The following JMY variants were observed in gnomAD, a reference collection of about 807,000 sequenced individuals.
JMY encodes the protein junction-mediating and -regulatory protein.
JMY carries 46 observed loss-of-function variants against 103.3 expected under a neutral mutation model. The ratio of observed to expected loss-of-function variants is 0.45; its 90% CI spans 0.35 to 0.57. JMY has a LOEUF of 0.57. Among genes scored for constraint, JMY ranks in the 20% least tolerant of loss-of-function variants. JMY has a pLI of 0.00. For synonymous variants in JMY, 526 were observed against 489.3 expected, an observed-to-expected ratio of 1.07 and a Z score of -0.99; for missense variants, 1,238 against 1,255.2, an observed-to-expected ratio of 0.99 and a Z score of 0.21.
intron 9 of JMY, among the ~76,000 whole-genome samples, chr5:79,315,653 ACT>A: frequency 6.6e-6 from 1 of 152,248 alleles, no homozygotes; most frequent in East Asian, 1.9e-4. Context: ...TAACCCCATC[ACT>A]CTGAATTTGG....
chr5:79,303,712 G>A, intron 6 of JMY, among the ~76,000 whole-genome samples: 1 of 152,292 alleles, frequency 6.6e-6, no homozygotes, highest in South Asian at 2.1e-4. Context: ...TGAAGATGAT[G>A]ATTCCACACA....
In JMY at chr5:79,244,027, G is replaced by A. The variant is rs187999131; in HGVS notation, c.1032+6345G>A. Among the ~76,000 whole-genome samples the A allele has an allele frequency of 4.3e-3, 644 of 148,898 alleles. 5 individuals are homozygous for A. Among genetic ancestry groups the A allele is most frequent in the African/African-American group, 0.013 (541 of 40,258 alleles). ...TTTCCTTTTTTTTTTTTTTGAGACA[G>A]GCTTGCTCTGTCACCCAGGCTGGAG... On this transcript the variant is annotated intron_variant, in intron 1 of 10. Transcript: ENST00000396137.
intron 1 of JMY, among the ~76,000 whole-genome samples, chr5:79,263,299 G>A (rs1201177670): frequency 6.6e-6 from 1 of 152,210 alleles, no homozygotes; most frequent in African/African-American, 2.4e-5. Flanking sequence ...AAATATATTT[G>A]AAGAGTTTAC....
chr5:79,270,469 G>A (rs185759762), intron 1 of JMY, among the ~76,000 whole-genome samples: 1,729 of 55,566 alleles, frequency 0.031, 144 homozygotes, highest in East Asian at 0.052. Flanking sequence ...TATTTAAAAT[G>A]TATATTTACA....
rs1477981069 is a variant in JMY, at chr5:79,322,677, A to C, written c.*1075A>C. 6.6e-6 allele frequency: 1 copy of C among 152,230 alleles called. No individual in the cohort carries two copies. The highest frequency in any genetic ancestry group is 1.5e-5 in the Non-Finnish European group (1 of 68,032). 9.4% of individuals were successfully genotyped at this position (152,230 alleles called of 1,614,324 possible). A position where few individuals can be genotyped will look rare whatever the true frequency, so the allele number is the denominator to read the frequency against. On this transcript the variant is annotated 3_prime_UTR_variant, in exon 11 of 11. Coordinates refer to ENST00000396137, the MANE Select transcript of JMY (RefSeq NM_152405.5). ...ATAGTCACTAAAATTTTAAACTTAT[A>C]CACAGCTTTAGGTGCTGATTTTGGC...
chr5:79,254,900 G>C (rs75075413), intron 1 of JMY, among the ~76,000 whole-genome samples: 3,116 of 149,564 alleles, frequency 0.021, 131 homozygotes, highest in African/African-American at 0.072. Flanking sequence ...TCTTTCTTCT[G>C]CTTGATCAGT....
At chr5:79,292,495 T>A (rs1368662478) in intron 4 of JMY, among the ~76,000 whole-genome samples, 2 of 152,100 alleles carry the variant, frequency 1.3e-5, no homozygotes, top group African/African-American at 2.4e-5. Flanking sequence ...TATTTACTTA[T>A]TTTTTTGTAG....
At chr5:79,241,465 C>T (rs939264516) in intron 1 of JMY, among the ~76,000 whole-genome samples, 27 of 152,014 alleles carry the variant, frequency 1.8e-4, no homozygotes, top group Non-Finnish European at 4.4e-5. Context: ...GTTTTTAAAA[C>T]GAGAAATTTT....
intron 1 of JMY, among the ~76,000 whole-genome samples, chr5:79,248,371 A>G (rs960784408): frequency 3.3e-5 from 5 of 151,740 alleles, no homozygotes; most frequent in Admixed American, 6.6e-5. Flanking sequence ...CAGTGGCACG[A>G]TCTCGGCTCA....
intron 7 of JMY, 86 bp from the exon 8 acceptor site, chr5:79,312,317 A>G (rs1561314789): frequency 2.7e-6 from 2 of 741,670 alleles, no homozygotes. Flanking sequence ...CCTTTGGCCC[A>G]CATTAGGATA....
Position 79,284,080 on chromosome 5 carries a change from A to AT in JMY, c.1206+6005dup, listed in dbSNP as rs983218107. Reference sequence around the variant, plus strand: ...TTTTTTATTTTTTTATTTTATTTTTATTTTTTTTCACAAATAGCACTTTTT... The same window carrying AT: ...TTTTTTATTTTTTTATTTTATTTTTATTTTTTTTTCACAAATAGCACTTTTT... On this transcript the variant is annotated intron_variant, in intron 2 of 10. Transcript: ENST00000396137. 302 of 1,148,126 alleles carry AT rather than the reference A, an allele frequency of 2.6e-4. No homozygotes were observed. The African/African-American group carries it at 3.3e-3, about 13-fold the overall frequency. The allele number at this position is 1,148,126 out of a possible 1,614,324, so 71.1% of individuals were successfully genotyped here. A position where few individuals can be genotyped will look rare whatever the true frequency, so the allele number is the denominator to read the frequency against.
chr5:79,289,877 T>C (rs544171005), intron 2 of JMY, among the ~76,000 whole-genome samples: 1 of 152,062 alleles, frequency 6.6e-6, no homozygotes, highest in Non-Finnish European at 1.5e-5. Context: ...TCTTAACATA[T>C]TGGTATATAT....
chr5:79,288,946 G>C (rs887375878), intron 2 of JMY, among the ~76,000 whole-genome samples: 2 of 151,782 alleles, frequency 1.3e-5, no homozygotes, highest in Admixed American at 1.3e-4. Flanking sequence ...AGAGACTATG[G>C]GTTGTAGGCC....
At chr5:79,316,858 A>G (rs1480875068) in intron 10 of JMY, among the ~76,000 whole-genome samples, 3 of 143,600 alleles carry the variant, frequency 2.1e-5, no homozygotes, top group Non-Finnish European at 3.0e-5. Flanking sequence ...GTGAGCTGAG[A>G]TCGTGCCACT....
chr5:79,316,829 C>T (rs1260815629), intron 10 of JMY, among the ~76,000 whole-genome samples: 1 of 149,488 alleles, frequency 6.7e-6, no homozygotes, highest in Non-Finnish European at 1.5e-5. Flanking sequence ...TCACTTGAAC[C>T]CAGGAGGCGG....
At chr5:79,278,789 ATTTCT>A (rs1746022844) in intron 2 of JMY, among the ~76,000 whole-genome samples, 2 of 111,006 alleles carry the variant, frequency 1.8e-5, no homozygotes, top group Non-Finnish European at 1.9e-5. Context: ...TTTTGGGAAC[ATTTCT>A]TTTTTTTTTT....
At chr5:79,264,012 C>G (rs539271544) in intron 1 of JMY, among the ~76,000 whole-genome samples, 177 of 152,118 alleles carry the variant, frequency 1.2e-3, no homozygotes, top group African/African-American at 4.0e-3. Flanking sequence ...GTCTCAAACT[C>G]CTGACCTCTG....
At chr5:79,248,796 G>T (rs368666418) in intron 1 of JMY, among the ~76,000 whole-genome samples, 5 of 151,962 alleles carry the variant, frequency 3.3e-5, no homozygotes, top group African/African-American at 9.7e-5. Context: ...TTCTGTCAGC[G>T]CAGGCTGGAA....
intron 1 of JMY, among the ~76,000 whole-genome samples, chr5:79,242,027 T>C (rs745652056): frequency 2.0e-5 from 3 of 152,216 alleles, no homozygotes; most frequent in African/African-American, 4.8e-5. Flanking sequence ...TGATTAACTG[T>C]GGTGCTTTAG....
Sources: allele counts gnomAD v4.1 joint callset (sites outside exome capture counted in the v4.1 genomes callset), GRCh38; gene constraint gnomAD v4.1.1; transcripts MANE v1.5; gene names NCBI Gene and HGNC (gene_info 2026-07-23, HGNC 2026-07-21).